Variants in SLC38A12 observed in about 807,000 individuals in gnomAD.
SLC38A12 encodes the protein putative sodium-coupled neutral amino acid transporter 12.
chr17:74,813,175 G>C, the SLC38A12 span, among the ~76,000 whole-genome samples: 1 of 152,116 alleles, frequency 6.6e-6, no homozygotes, highest in Non-Finnish European at 1.5e-5. Flanking sequence ...CGTCGCCTGC[G>C]TGCTTCCCTG....
At chr17:74,827,107 AGCTAGATGAG>A in the SLC38A12 span, among the ~76,000 whole-genome samples, 2 of 151,956 alleles carry the variant, frequency 1.3e-5, no homozygotes, top group Non-Finnish European at 2.9e-5. This position sits in a 1 kb window ranked among gnomAD's most constrained non-coding sequence, Gnocchi z 4.7. Context: ...GCACAAGGGG[AGCTAGATGAG>A]AACTCAGCAC....
At chr17:74,787,579 G>A in the SLC38A12 span, among the ~76,000 whole-genome samples, 4 of 149,924 alleles carry the variant, frequency 2.7e-5, no homozygotes, top group East Asian at 2.0e-4. Context: ...CCGAGATTGC[G>A]CCACTGCAGT....
the SLC38A12 span, chr17:74,788,738 C>T: frequency 6.5e-7 from 1 of 1,540,260 alleles, no homozygotes; most frequent in Non-Finnish European, 8.9e-7. Context: ...CCTTCTCTCT[C>T]TGTCTCCTCC....
the SLC38A12 span, among the ~76,000 whole-genome samples, chr17:74,806,286 A>C: frequency 1.3e-5 from 2 of 152,128 alleles, no homozygotes; most frequent in African/African-American, 4.8e-5. Context: ...GTGGCCAAGC[A>C]AGACATGCCC....
the SLC38A12 span, among the ~76,000 whole-genome samples, chr17:74,789,256 G>A: frequency 0.027 from 4,046 of 151,802 alleles, 191 homozygotes; most frequent in African/African-American, 0.094. Context: ...AGGGGCCGGT[G>A]GGGGGGCTCA....
the SLC38A12 span, among the ~76,000 whole-genome samples, chr17:74,810,295 G>A: frequency 4.6e-5 from 7 of 152,214 alleles, no homozygotes; most frequent in African/African-American, 1.2e-4. Flanking sequence ...GGCATCAACC[G>A]TCAGTTCTGT....
the SLC38A12 span, among the ~76,000 whole-genome samples, chr17:74,835,346 C>G: frequency 6.6e-6 from 1 of 152,188 alleles, no homozygotes; most frequent in African/African-American, 2.4e-5. Context: ...AGGCACTCAC[C>G]TGTCTGCCCA....
chr17:74,837,851 C>A, the SLC38A12 span: 1 of 985,974 alleles, frequency 1.0e-6, no homozygotes, highest in Non-Finnish European at 1.2e-6. Context: ...ACCTGGGGGT[C>A]CCCCTGACCC....
At chr17:74,812,665 A>T in the SLC38A12 span, among the ~76,000 whole-genome samples, 1 of 152,160 alleles carries the variant, frequency 6.6e-6, no homozygotes, top group South Asian at 2.1e-4. Context: ...CTCCACCCAG[A>T]TGAGCCCCCC....
the SLC38A12 span, among the ~76,000 whole-genome samples, chr17:74,831,103 C>CT: frequency 5.3e-5 from 8 of 152,328 alleles, no homozygotes; most frequent in South Asian, 1.7e-3. Context: ...CACGTCCCGT[C>CT]TGACACCTGC....
the SLC38A12 span, among the ~76,000 whole-genome samples, chr17:74,809,578 G>A: frequency 4.6e-5 from 7 of 152,180 alleles, no homozygotes; most frequent in Admixed American, 1.3e-4. Context: ...GTGCTGCTTC[G>A]GTTCTGTGCG....
the SLC38A12 span, among the ~76,000 whole-genome samples, chr17:74,816,930 A>G: frequency 6.6e-6 from 1 of 152,108 alleles, no homozygotes; most frequent in Non-Finnish European, 1.5e-5. Context: ...AAGAAAACAC[A>G]AAGTGCCACG....
At chr17:74,818,010 T>G in the SLC38A12 span, among the ~76,000 whole-genome samples, 1 of 152,204 alleles carries the variant, frequency 6.6e-6, no homozygotes, top group African/African-American at 2.4e-5. Flanking sequence ...TTATGCATTC[T>G]TCTACCTGAC....
At chr17:74,823,461 C>T in the SLC38A12 span, among the ~76,000 whole-genome samples, 1 of 152,268 alleles carries the variant, frequency 6.6e-6, no homozygotes, top group Non-Finnish European at 1.5e-5. Flanking sequence ...GAAGCCCCAT[C>T]GTTCTGCCAG....
the SLC38A12 span, among the ~76,000 whole-genome samples, chr17:74,820,996 G>A: frequency 1.3e-5 from 2 of 152,240 alleles, no homozygotes; most frequent in Non-Finnish European, 2.9e-5. Context: ...TTAGTTGGAA[G>A]GGGCCACAGC....
the SLC38A12 span, chr17:74,837,287 C>G: frequency 3.0e-6 from 3 of 985,448 alleles, no homozygotes; most frequent in East Asian, 1.1e-4. Flanking sequence ...GAAGTGCTAA[C>G]TGGTACCAGA....
the SLC38A12 span, among the ~76,000 whole-genome samples, chr17:74,811,609 T>C: frequency 6.6e-6 from 1 of 151,996 alleles, no homozygotes; most frequent in Non-Finnish European, 1.5e-5. Context: ...TAGCCCCAGC[T>C]ACCTGGGAGG....
chr17:74,802,982 G>T, the SLC38A12 span, among the ~76,000 whole-genome samples: 1 of 152,046 alleles, frequency 6.6e-6, no homozygotes, highest in Non-Finnish European at 1.5e-5. Flanking sequence ...ATGGAGATGG[G>T]AAATGATCTG....
chr17:74,831,662 C>T, the SLC38A12 span, among the ~76,000 whole-genome samples: 1 of 152,208 alleles, frequency 6.6e-6, no homozygotes, highest in Non-Finnish European at 1.5e-5. Context: ...ATGTTCTGGG[C>T]ACTGCCTGTG....
Sources: gnomAD v4.1 joint callset for allele counts (sites outside exome capture counted in the v4.1 genomes callset) on GRCh38, gnomAD v4.1.1 for gene constraint, Gnocchi (gnomAD v3.1) non-coding constraint, MANE v1.5 for transcripts, NCBI Gene and HGNC (gene_info 2026-07-23, HGNC 2026-07-21) for gene names.